Variants in PCM1 observed in about 807,000 individuals in gnomAD.
PCM1 encodes pericentriolar material 1 protein.
A neutral mutation model predicts 241.9 loss-of-function variants in PCM1; 157 were observed. The ratio of observed to expected loss-of-function variants is 0.65; its 90% CI spans 0.57 to 0.74. The LOEUF (loss-of-function observed/expected upper bound fraction) is 0.74, where lower values mean the gene tolerates loss of function less well. Ranked by LOEUF, PCM1 falls within the 30% of genes least tolerant of loss-of-function variation. The pLI, the probability that PCM1 is intolerant of heterozygous loss-of-function variation, is 0.00. For synonymous variants in PCM1, 1,085 were observed against 784.9 expected, an observed-to-expected ratio of 1.38 and a Z score of -6.39; for missense variants, 3,478 against 2,360.1, an observed-to-expected ratio of 1.47 and a Z score of -9.81.
chr8:17,972,743 T>C (rs996294018), intron 23 of PCM1, 56 bp downstream of exon 23: 5 of 1,002,488 alleles, frequency 5.0e-6, no homozygotes, highest in Non-Finnish European at 7.1e-6. Context: ...AATCTTACTT[T>C]GACATGTTGA....
chr8:17,942,259 G>A (rs2062315784), intron 6 of PCM1, among the ~76,000 whole-genome samples: 1 of 152,054 alleles, frequency 6.6e-6, no homozygotes, highest in Admixed American at 6.5e-5. Flanking sequence ...CTGAGGTCAG[G>A]GGTTTGGGAC....
At position 17,955,577 on chromosome 8, in the gene PCM1, C is replaced by T; in HGVS notation, c.1396C>T (p.Pro466Ser). 2 of 1,613,660 alleles carry T rather than the reference C, an allele frequency of 1.2e-6. No homozygotes were observed. The highest frequency in any genetic ancestry group is 1.7e-6 in the Non-Finnish European group (2 of 1,179,608). Reference protein sequence around the residue: ...GESNSLTSSVPYPTASLVSQN... With the variant: ...GESNSLTSSVSYPTASLVSQN... ...ATCCAATAGCCTCACATCATCTGTT[C>T]CTTATCCTACTGCTTCTCTAGTATC... Residue 466 changes from proline (P) to serine (S), a missense_variant, in exon 10 of 39, where the codon CCT (proline) becomes TCT (serine). Pro to Ser is a moderately conservative substitution (Grantham distance 74, BLOSUM62 -1). Coordinates refer to ENST00000325083, the MANE Select transcript of PCM1 (RefSeq NM_006197.4).
chr8:17,964,679 G>A lies in PCM1; in HGVS notation c.2766G>A (p.Glu922=). 6.2e-7 allele frequency: 1 copy of A among 1,613,890 alleles called. No individual in the cohort carries two copies. ...GGACAGATGAAGAGGAGGAAGAAGAGCAAGATGCCAGTTCCAATGATAACT... is the reference window on the plus strand; with the variant it reads ...GGACAGATGAAGAGGAGGAAGAAGAACAAGATGCCAGTTCCAATGATAACT... ...IVRTDEEEEE[E]QDASSNDNFS... The change falls in exon 18 of 39, where the codon GAG becomes GAA. Residue 922 remains glutamate, a synonymous_variant. Transcript: ENST00000325083.
chr8:17,979,254 T>C (rs1402197779), intron 23 of PCM1, among the ~76,000 whole-genome samples: 14 of 152,182 alleles, frequency 9.2e-5, no homozygotes. Context: ...AGGGATTCCT[T>C]CTGTCCCACC....
At chr8:17,956,860 T>A in intron 11 of PCM1, 83 bp downstream of exon 11, 22 of 1,050,028 alleles carry the variant, frequency 2.1e-5, no homozygotes, top group Non-Finnish European at 3.1e-5. Context: ...TACTTCGTTG[T>A]AGTATTTACT....
intron 29 of PCM1, among the ~76,000 whole-genome samples, chr8:18,002,922 A>G (rs1379684557): frequency 6.6e-6 from 1 of 151,594 alleles, no homozygotes; most frequent in African/African-American, 2.4e-5. Flanking sequence ...TGACCTTTCA[A>G]CTCTCCTACT....
chr8:18,022,112 C>G (rs919703685), intron 36 of PCM1, among the ~76,000 whole-genome samples: 3 of 152,088 alleles, frequency 2.0e-5, no homozygotes, highest in South Asian at 2.1e-4. Context: ...AGCAAAACTT[C>G]AGGGTTTTCA....
intron 36 of PCM1, among the ~76,000 whole-genome samples, chr8:18,021,134 A>G (rs566587848): frequency 1.3e-5 from 2 of 152,320 alleles, no homozygotes; most frequent in East Asian, 3.9e-4. Flanking sequence ...GAAACAACAA[A>G]AATGGAATCT....
At chr8:17,944,831 A>C (rs2063269864) in intron 6 of PCM1, among the ~76,000 whole-genome samples, 1 of 151,964 alleles carries the variant, frequency 6.6e-6, no homozygotes, top group African/African-American at 2.4e-5. Context: ...TATTTCACTA[A>C]TTTTGAAAAT....
At chr8:18,019,836 G>A (rs761123851) in intron 36 of PCM1, among the ~76,000 whole-genome samples, 7 of 152,150 alleles carry the variant, frequency 4.6e-5, no homozygotes, top group African/African-American at 1.7e-4. Context: ...GCAGATCCCT[G>A]CTGTAGAGTA....
intron 36 of PCM1, among the ~76,000 whole-genome samples, chr8:18,020,723 A>G (rs950227664): frequency 6.6e-6 from 1 of 152,266 alleles, no homozygotes; most frequent in African/African-American, 2.4e-5. Context: ...AGTTTAAGTC[A>G]GGACAACCCG....
At chr8:18,005,032 A>G (rs1319866838) in intron 29 of PCM1, among the ~76,000 whole-genome samples, 1 of 152,132 alleles carries the variant, frequency 6.6e-6, no homozygotes, top group Non-Finnish European at 1.5e-5. Context: ...CTGTTTGTAC[A>G]AGTTGTCTTG....
chr8:17,960,047 A>C lies in PCM1; in HGVS notation c.2074A>C (p.Ser692Arg), dbSNP rs1361770059. The C allele has an allele frequency of 2.5e-6, 4 of 1,612,768 alleles. No individual in the cohort carries two copies. In the African/African-American group the frequency reaches 5.3e-5, roughly 22 times the overall value. The change falls in exon 14 of 39, where the codon AGT becomes CGT. Residue 692 changes from serine (S) to arginine (R), a missense_variant. By Grantham distance (110) the Ser-to-Arg change is moderately radical (BLOSUM62 -1). Coordinates refer to ENST00000325083, the MANE Select transcript of PCM1 (RefSeq NM_006197.4). ...DDAAQGVISA[S>R]ASNLDDFYPA... Reference sequence around the variant, plus strand: ...TGCAGCTCAAGGAGTTATCTCTGCCAGTGCATCAAATTTGGATGATTTCTA... The same window carrying C: ...TGCAGCTCAAGGAGTTATCTCTGCCCGTGCATCAAATTTGGATGATTTCTA...
At chr8:18,018,871 T>TAA (rs1339352385) in intron 36 of PCM1, among the ~76,000 whole-genome samples, 1 of 63,910 alleles carries the variant, frequency 1.6e-5, no homozygotes, top group Non-Finnish European at 3.5e-5. Flanking sequence ...TATATATATA[T>TAA]ATATATATAC....
chr8:17,934,387 G>A (rs1297681075), intron 2 of PCM1, among the ~76,000 whole-genome samples: 4 of 151,396 alleles, frequency 2.6e-5, no homozygotes, highest in African/African-American at 9.7e-5. Flanking sequence ...TCAGCCTCCC[G>A]AGTAGCTGGG....
chr8:17,981,660 G>A (rs1449612698), intron 24 of PCM1, among the ~76,000 whole-genome samples: 1 of 152,084 alleles, frequency 6.6e-6, no homozygotes, highest in Non-Finnish European at 1.5e-5. Context: ...GCTATCTTTT[G>A]TACCATGCTC....
chr8:17,998,233 G>C (rs1423213514), intron 29 of PCM1, among the ~76,000 whole-genome samples: 4 of 151,924 alleles, frequency 2.6e-5, no homozygotes, highest in African/African-American at 9.7e-5. Context: ...TTTTCTGTAT[G>C]GTCTTGATGT....
rs1298929620 is a variant in PCM1, at chr8:17,939,034, C to A, written c.612+25C>A. On this transcript the variant is annotated intron_variant, in intron 5 of 38. Coordinates refer to ENST00000325083, the MANE Select transcript of PCM1 (RefSeq NM_006197.4). ...GGTGATAACGTTTGTTTCTTTTGCT[C>A]ATTCTTTACACAAACCTCAAAATAC... 5 of 1,610,284 alleles carry A rather than the reference C, an allele frequency of 3.1e-6. No individual in the cohort carries two copies. The Admixed American group carries it at 6.7e-5, about 22-fold the overall frequency.
chr8:17,996,291 A>G (rs1272273502), intron 29 of PCM1, among the ~76,000 whole-genome samples: 1 of 152,194 alleles, frequency 6.6e-6, no homozygotes, highest in Non-Finnish European at 1.5e-5. Flanking sequence ...AGTTAAAATG[A>G]TCATATGGGT....
Sources: allele counts gnomAD v4.1 joint callset (sites outside exome capture counted in the v4.1 genomes callset), GRCh38; gene constraint gnomAD v4.1.1; transcripts MANE v1.5; gene names NCBI Gene and HGNC (gene_info 2026-07-23, HGNC 2026-07-21).